The following ALDH3B1 variants were observed in gnomAD, a reference collection of about 807,000 sequenced individuals.
ALDH3B1 encodes aldehyde dehydrogenase family 3 member B1.
A neutral mutation model predicts 46.2 loss-of-function variants in ALDH3B1; 37 were observed. The observed-to-expected ratio is 0.80, with a 90% CI of 0.62 to 1.05. ALDH3B1 has a LOEUF of 1.05. Ranked by LOEUF, ALDH3B1 falls within the 50% of genes least tolerant of loss-of-function variation. The pLI is 0.00. For synonymous variants in ALDH3B1, 283 were observed against 281.0 expected (o/e 1.01, Z -0.07); for missense variants, 603 against 665.5 (o/e 0.91, Z 1.03).
chr11:68,011,695 C>A (rs1857234418), intron 1 of ALDH3B1, among the ~76,000 whole-genome samples: 5 of 152,178 alleles, frequency 3.3e-5, no homozygotes, highest in Admixed American at 3.3e-4. Flanking sequence ...CCACCATGTT[C>A]AGTCCCTCTG....
chr11:68,018,655 A>C lies in ALDH3B1; in HGVS notation c.273+18A>C. 1 of 1,558,374 alleles carries C rather than the reference A, an allele frequency of 6.4e-7. No homozygotes were observed. Among genetic ancestry groups the C allele is most frequent in the Non-Finnish European group, 8.7e-7 (1 of 1,151,412 alleles). On this transcript the variant is annotated intron_variant, in intron 3 of 9. Coordinates refer to ENST00000342456, the MANE Select transcript of ALDH3B1 (RefSeq NM_000694.4). ...AGAACCTGGTGAGCCGGCCGGGCTG[A>C]GGCGGGCAGGGGGCTCAGGGGATAT...
chr11:68,018,730 C>T (rs759805249), intron 3 of ALDH3B1, 43 bp from the exon 4 acceptor site: 14 of 1,549,426 alleles, frequency 9.0e-6, no homozygotes, highest in South Asian at 4.8e-5. Flanking sequence ...GCTGAGGGGC[C>T]GGGGTGCTGA....
chr11:68,014,049 G>A (rs1857287604), intron 1 of ALDH3B1, among the ~76,000 whole-genome samples: 2 of 152,194 alleles, frequency 1.3e-5, no homozygotes, highest in South Asian at 2.1e-4. Flanking sequence ...ACAGCCTTGC[G>A]CTCACCGATG....
chr11:68,020,064 C>T (rs1019291273), intron 6 of ALDH3B1, among the ~76,000 whole-genome samples: 4 of 152,076 alleles, frequency 2.6e-5, no homozygotes, highest in Non-Finnish European at 4.4e-5. Flanking sequence ...GACCCTGCTG[C>T]CCCCCAGGCT....
At position 68,021,631 on chromosome 11, in the gene ALDH3B1, T is replaced by A. The variant is rs769831444; in HGVS notation, c.709T>A (p.Tyr237Asn). 9.9e-6 allele frequency: 16 copies of A among 1,613,886 alleles called. No individual in the cohort carries two copies. The highest frequency in any genetic ancestry group is 1.4e-5 in the Non-Finnish European group (16 of 1,179,984). ...GGCCAACCGCGTGGCCTGGTTCCGC[T>A]ACTTCAACGCCGGCCAGACCTGCGT... is the stretch of plus-strand genomic sequence containing the variant. The part of the protein sequence containing the change: ...TVANRVAWFR[Y>N]FNAGQTCVAP... Residue 237 changes from tyrosine (Y) to asparagine (N), a missense_variant, in exon 7 of 10, where the codon TAC (tyrosine) becomes AAC (asparagine). Transcript: ENST00000342456.
chr11:68,019,891 A>C, intron 6 of ALDH3B1, 95 bp downstream of exon 6: 1 of 1,309,656 alleles, frequency 7.6e-7, no homozygotes, highest in East Asian at 2.3e-5. Context: ...AGGGAGACTG[A>C]ATTCTCCTCT....
intron 8 of ALDH3B1, among the ~76,000 whole-genome samples, chr11:68,023,508 T>C (rs980396516): frequency 6.6e-6 from 1 of 151,898 alleles, no homozygotes; most frequent in African/African-American, 2.4e-5. Flanking sequence ...TTTTGCCACA[T>C]TGGTCAGGCT....
intron 1 of ALDH3B1, among the ~76,000 whole-genome samples, chr11:68,013,042 C>A (rs1185797836): frequency 6.6e-6 from 1 of 152,098 alleles, no homozygotes; most frequent in Non-Finnish European, 1.5e-5. Flanking sequence ...GCTTGGGGGA[C>A]CCCAGCCCAG....
Position 68,018,590 on chromosome 11 carries a change from A to G in ALDH3B1, c.226A>G (p.Arg76Gly). The change falls in exon 3 of 10, where the codon AGG (arginine) becomes GGG (glycine). Residue 76 changes from arginine (R) to glycine (G), a missense_variant. Physicochemically the swap from Arg to Gly is moderately radical, Grantham distance 125 (BLOSUM62 -2). Transcript: ENST00000342456. ...ISQGEVTLAL[R>G]NLRAWMKDER... ...CCAGGGCGAGGTCACCCTGGCCCTC[A>G]GGAACCTCCGGGCCTGGATGAAGGA... The G allele has an allele frequency of 6.3e-7, 1 of 1,583,818 alleles. No individual in the cohort carries two copies. The highest frequency in any genetic ancestry group is 1.7e-4 in the Middle Eastern group (1 of 6,020).
intron 1 of ALDH3B1, among the ~76,000 whole-genome samples, chr11:68,011,047 C>G (rs1364144331): frequency 6.6e-6 from 1 of 152,226 alleles, no homozygotes. Flanking sequence ...TCCCTGGCTC[C>G]CCAAGGGAGG....
intron 8 of ALDH3B1, among the ~76,000 whole-genome samples, chr11:68,023,739 A>C (rs111948393): frequency 7.9e-5 from 12 of 152,204 alleles, no homozygotes; most frequent in African/African-American, 2.9e-4. Flanking sequence ...AGATGGGTCA[A>C]AACTAAAAAA....
chr11:68,009,809 C>G (rs1454358763), upstream of ALDH3B1, among the ~76,000 whole-genome samples: 1 of 152,042 alleles, frequency 6.6e-6, no homozygotes, highest in Admixed American at 6.6e-5. Context: ...TTCTCTCTTT[C>G]CTCCTGTCTT....
intron 5 of ALDH3B1, 112 bp downstream of exon 5, chr11:68,019,367 CCTCTT>C: frequency 1.1e-6 from 1 of 931,174 alleles, no homozygotes; most frequent in Non-Finnish European, 1.7e-6. Context: ...CTCAATCCTG[CCTCTT>C]CTGAGTTGTG....
Position 68,018,536 on chromosome 11 carries a change from G to C in ALDH3B1, c.172G>C (p.Glu58Gln). 1.9e-6 allele frequency: 3 copies of C among 1,571,000 alleles called. No homozygotes were observed. Among genetic ancestry groups the C allele is most frequent in the Non-Finnish European group, 2.6e-6 (3 of 1,158,212 alleles). Residue 58 changes from glutamate (E) to glutamine (Q), a missense_variant, in exon 3 of 10, where the codon GAG (glutamate) becomes CAG (glutamine). Glu to Gln is a conservative substitution (Grantham distance 29). Transcript: ENST00000342456. ...LAQDLHKSAFESEVSEVAISQ... is the reference protein window; with the variant it reads ...LAQDLHKSAFQSEVSEVAISQ... ...CACCCACTTCCTGCAGTCAGCCTTC[G>C]AGTCGGAGGTGTCTGAGGTTGCCAT...
At position 68,022,780 on chromosome 11, in the gene ALDH3B1, T is replaced by G. The variant is rs754346176; in HGVS notation, c.1116+19T>G. 1.7e-5 allele frequency: 27 copies of G among 1,613,150 alleles called. No individual in the cohort carries two copies. The highest frequency in any genetic ancestry group is 2.3e-5 in the Non-Finnish European group (27 of 1,179,818). On this transcript the variant is annotated intron_variant, in intron 8 of 9. Coordinates refer to ENST00000342456, the MANE Select transcript of ALDH3B1 (RefSeq NM_000694.4). ...CAGCCAGGTGGGGGTGCGGCCGGGC[T>G]GGGCAGGGTCAGGAGCCCGCAGTGG...
chr11:68,022,552 C>T (rs776350466), intron 7 of ALDH3B1, 43 bp from the exon 8 acceptor site: 1 of 1,605,768 alleles, frequency 6.2e-7, no homozygotes, highest in East Asian at 2.2e-5. Flanking sequence ...TGGGGGCGGT[C>T]CTGACTGTGG....
chr11:68,019,917 C>A, intron 6 of ALDH3B1, 121 bp downstream of exon 6: 3 of 1,118,870 alleles, frequency 2.7e-6, no homozygotes, highest in Non-Finnish European at 3.9e-6. Context: ...TCTCTCTGGA[C>A]CAGGCTGGGA....
At chr11:68,022,374 T>C (rs1857521038) in intron 7 of ALDH3B1, among the ~76,000 whole-genome samples, 2 of 152,178 alleles carry the variant, frequency 1.3e-5, no homozygotes, top group Admixed American at 1.3e-4. Flanking sequence ...ATTCTCTGTG[T>C]CCCACAGGCC....
At chr11:68,025,870 G>C (rs1857609733) in intron 8 of ALDH3B1, 139 bp from the exon 9 acceptor site, 1 of 524,652 alleles carries the variant, frequency 1.9e-6, no homozygotes, top group Non-Finnish European at 3.3e-6. Flanking sequence ...ACCATCACAG[G>C]CCCTTCAGCT....
Sources: allele counts gnomAD v4.1 joint callset (sites outside exome capture counted in the v4.1 genomes callset), GRCh38; gene constraint gnomAD v4.1.1; transcripts MANE v1.5; gene names NCBI Gene and HGNC (gene_info 2026-07-23, HGNC 2026-07-21).